The following WWOX variants were observed in gnomAD, a reference collection of about 807,000 sequenced individuals.
WWOX encodes WW domain containing oxidoreductase.
A neutral mutation model predicts 46.2 loss-of-function variants in WWOX; 69 were observed. The observed-to-expected ratio is 1.49, with a 90% CI of 1.23 to 1.82. The LOEUF is 1.82. WWOX is among the 40% of genes most tolerant of loss of function. WWOX has a pLI of 0.00. For missense variants in WWOX, 919 were observed against 542.6 expected (o/e 1.69, Z -6.89); for synonymous variants, 359 against 202.6 (o/e 1.77, Z -6.56).
intron 8 of WWOX, among the ~76,000 whole-genome samples, chr16:78,437,604 A>T (rs972962332): frequency 1.3e-5 from 2 of 152,174 alleles, no homozygotes; most frequent in African/African-American, 4.8e-5. Flanking sequence ...GAACTGGACA[A>T]GTGTATTGGG....
At chr16:78,829,015 C>G (rs1244979692) in intron 8 of WWOX, among the ~76,000 whole-genome samples, 2 of 152,180 alleles carry the variant, frequency 1.3e-5, no homozygotes, top group Non-Finnish European at 2.9e-5. Flanking sequence ...ACTTCTTCTC[C>G]TTGCCATTCC....
chr16:78,802,022 G>A (rs1368930256), intron 8 of WWOX, among the ~76,000 whole-genome samples: 1 of 152,036 alleles, frequency 6.6e-6, no homozygotes, highest in Non-Finnish European at 1.5e-5. Context: ...CCCAGAGGCT[G>A]GTGTACCATG....
intron 8 of WWOX, among the ~76,000 whole-genome samples, chr16:78,622,815 G>T (rs2046222546): frequency 6.6e-6 from 1 of 152,182 alleles, no homozygotes; most frequent in African/African-American, 2.4e-5. Flanking sequence ...GACAGATTTT[G>T]AGTTAATGAG....
intron 8 of WWOX, among the ~76,000 whole-genome samples, chr16:78,645,330 C>A (rs1394790927): frequency 6.6e-6 from 1 of 152,062 alleles, no homozygotes; most frequent in African/African-American, 2.4e-5. Flanking sequence ...TAACAAATGA[C>A]CACCCATGGG....
Position 79,151,985 on chromosome 16 carries a change from T to A in WWOX, c.1057-59623T>A, listed in dbSNP as rs1456803059. On this transcript the variant is annotated intron_variant, in intron 8 of 8. Transcript: ENST00000566780. Reference sequence around the variant, plus strand: ...TTAAAAGGCAACAGAAAGGTCTCTGTTACGAAGGGGGAACTAGTTTTCATT... The same window carrying A: ...TTAAAAGGCAACAGAAAGGTCTCTGATACGAAGGGGGAACTAGTTTTCATT... Among the ~76,000 whole-genome samples the A allele has an allele frequency of 5.9e-5, 9 of 152,310 alleles. No homozygotes were observed. The South Asian group carries it at 1.9e-3, about 32-fold the overall frequency.
intron 8 of WWOX, among the ~76,000 whole-genome samples, chr16:78,611,738 G>A (rs1238374727): frequency 3.3e-5 from 5 of 152,262 alleles, no homozygotes; most frequent in East Asian, 1.9e-4. Context: ...GGTGCATGTC[G>A]CTGATGGTTG....
At chr16:79,008,436 G>A (rs1355450883) in intron 8 of WWOX, among the ~76,000 whole-genome samples, 2 of 152,144 alleles carry the variant, frequency 1.3e-5, no homozygotes, top group East Asian at 3.9e-4. Context: ...TTGCTTGGTA[G>A]CCTAACTCAC....
At chr16:78,938,666 C>T (rs1221353293) in intron 8 of WWOX, among the ~76,000 whole-genome samples, 1 of 152,158 alleles carries the variant, frequency 6.6e-6, no homozygotes, top group East Asian at 1.9e-4. Flanking sequence ...TGTGTACTAA[C>T]TAATGGGGAG....
intron 8 of WWOX, among the ~76,000 whole-genome samples, chr16:78,917,747 C>T (rs1000082355): frequency 2.0e-5 from 3 of 151,960 alleles, no homozygotes; most frequent in African/African-American, 7.3e-5. Context: ...AACCAAACAC[C>T]ATATGTCATA....
chr16:78,824,037 T>G (rs1214235112), intron 8 of WWOX, among the ~76,000 whole-genome samples: 2 of 152,148 alleles, frequency 1.3e-5, no homozygotes, highest in Non-Finnish European at 2.9e-5. Context: ...GATAGACGTG[T>G]TCATTGTAGG....
intron 8 of WWOX, among the ~76,000 whole-genome samples, chr16:78,445,957 G>C (rs951589426): frequency 6.6e-6 from 1 of 152,204 alleles, no homozygotes; most frequent in Non-Finnish European, 1.5e-5. Context: ...AGCCTTTGCT[G>C]TGCTTTGGAA....
intron 8 of WWOX, among the ~76,000 whole-genome samples, chr16:78,926,701 T>C (rs1439689697): frequency 6.6e-6 from 1 of 152,198 alleles, no homozygotes; most frequent in Non-Finnish European, 1.5e-5. Flanking sequence ...AGAAAGTTGT[T>C]TGCTTTTGAA....
At chr16:78,462,020 G>C (rs773551906) in intron 8 of WWOX, among the ~76,000 whole-genome samples, 16 of 152,158 alleles carry the variant, frequency 1.1e-4, no homozygotes, top group Non-Finnish European at 2.1e-4. Flanking sequence ...TCTGGTTTTA[G>C]CCCTCAGGCA....
chr16:78,488,967 C>G (rs941498630), intron 8 of WWOX, among the ~76,000 whole-genome samples: 1 of 152,148 alleles, frequency 6.6e-6, no homozygotes, highest in African/African-American at 2.4e-5. Flanking sequence ...GCCTTGTTGC[C>G]TCCTGCATGT....
intron 8 of WWOX, among the ~76,000 whole-genome samples, chr16:78,969,060 G>C (rs1296987209): frequency 6.6e-6 from 1 of 152,104 alleles, no homozygotes; most frequent in Non-Finnish European, 1.5e-5. Flanking sequence ...CCCTTGTCTT[G>C]TTATTTCCTC....
At chr16:79,028,898 G>GA (rs34652825) in intron 8 of WWOX, among the ~76,000 whole-genome samples, 91,583 of 150,412 alleles carry the variant, frequency 0.61, 28,625 homozygotes, top group East Asian at 0.9. Context: ...TGAACCACTA[G>GA]AAAAAAAAAT....
At chr16:78,685,702 C>T (rs1019901424) in intron 8 of WWOX, among the ~76,000 whole-genome samples, 1 of 152,204 alleles carries the variant, frequency 6.6e-6, no homozygotes, top group African/African-American at 2.4e-5. Flanking sequence ...AACTCCTGTC[C>T]TCCCTCTTTG....
chr16:78,400,719 A>G (rs983437031), intron 6 of WWOX, among the ~76,000 whole-genome samples: 1 of 152,192 alleles, frequency 6.6e-6, no homozygotes, highest in Non-Finnish European at 1.5e-5. Context: ...TCTGGAGTGT[A>G]CACTGGGCAT....
chr16:78,222,239 G>C (rs562405342), intron 5 of WWOX, among the ~76,000 whole-genome samples: 1 of 152,096 alleles, frequency 6.6e-6, no homozygotes, highest in African/African-American at 2.4e-5. Flanking sequence ...AAGTTTGAGG[G>C]AGGCCAAGTG....
Sources: gnomAD v4.1 joint callset for allele counts (sites outside exome capture counted in the v4.1 genomes callset) on GRCh38, gnomAD v4.1.1 for gene constraint, MANE v1.5 for transcripts, NCBI Gene and HGNC (gene_info 2026-07-23, HGNC 2026-07-21) for gene names.